The following SLC9C2 variants were observed in gnomAD, a reference collection of about 807,000 sequenced individuals.
The protein encoded by SLC9C2 is solute carrier family 9 member C2 (putative), also known as sodium/hydrogen exchanger 11.
In SLC9C2, 75 loss-of-function variants were observed where a neutral mutation model predicts 140.2. The ratio of observed to expected loss-of-function variants is 0.53; its 90% CI spans 0.44 to 0.65. The LOEUF (loss-of-function observed/expected upper bound fraction) is 0.65, where lower values mean the gene tolerates loss of function less well. SLC9C2 is among the 30% of genes least tolerant of loss of function. The probability of loss-of-function intolerance (pLI) is 0.00; values close to 1 mark genes in which losing one functional copy is unlikely to be tolerated. For synonymous variants in SLC9C2, 375 were observed against 420.9 expected (o/e 0.89, Z 1.34); for missense variants, 1,074 against 1,331.8 (o/e 0.81, Z 3.01).
chr1:173,519,176 G>A (rs1224354510), intron 22 of SLC9C2, among the ~76,000 whole-genome samples: 1 of 152,118 alleles, frequency 6.6e-6, no homozygotes, highest in African/African-American at 2.4e-5. Context: ...ATCAGAGAGA[G>A]ATGTGTGAAG....
chr1:173,597,987 G>T lies in SLC9C2; in HGVS notation c.274C>A (p.Leu92Ile). 1 of 1,598,520 alleles carries T rather than the reference G, an allele frequency of 6.3e-7. No individual in the cohort carries two copies. Among genetic ancestry groups the T allele is most frequent in the Non-Finnish European group, 8.5e-7 (1 of 1,171,762 alleles). ...ATTAAAGGTGAAAAGTAAGAATAAA[G>T]TGAAAAACTTGATGTTCTTAGAAGA... ...YPLLRTSSFS[L>I]YSYFSPLIIF... The change falls in exon 4 of 28, where the codon CTT (leucine) becomes ATT (isoleucine). Residue 92 changes from leucine (L) to isoleucine (I), a missense_variant. Coordinates refer to ENST00000367714, the MANE Select transcript of SLC9C2 (RefSeq NM_178527.4).
At chr1:173,547,812 A>G in intron 12 of SLC9C2, 28 bp from the exon 13 acceptor site, 1 of 1,521,874 alleles carries the variant, frequency 6.6e-7, no homozygotes, top group Non-Finnish European at 9.1e-7. Context: ...ACATTTTAAA[A>G]CATAAAGGGA....
At chr1:173,520,835 A>G (rs1047251898) in intron 22 of SLC9C2, among the ~76,000 whole-genome samples, 1 of 152,224 alleles carries the variant, frequency 6.6e-6, no homozygotes, top group African/African-American at 2.4e-5. Context: ...GGGCTCACGC[A>G]TGAAACCAGC....
In SLC9C2 at chr1:173,573,344, A is replaced by T; in HGVS notation, c.903-19T>A. 1 of 1,430,402 alleles carries T rather than the reference A, an allele frequency of 7.0e-7. No individual in the cohort carries two copies. The highest frequency in any genetic ancestry group is 9.5e-7 in the Non-Finnish European group (1 of 1,047,578). 88.6% of individuals were successfully genotyped at this position (1,430,402 alleles called of 1,614,324 possible). A position where few individuals can be genotyped will look rare whatever the true frequency, so the allele number is the denominator to read the frequency against. On this transcript the variant is annotated intron_variant, in intron 8 of 27. Transcript: ENST00000367714. ...TAAGAACCTAGGATGAATGAAATAG[A>T]AATGACATTTTAAGCAATCATCTTA...
chr1:173,601,604 G>A (rs769174265), intron 2 of SLC9C2, 46 bp downstream of exon 2: 3 of 1,591,318 alleles, frequency 1.9e-6, no homozygotes, highest in Middle Eastern at 1.7e-4. Flanking sequence ...ATTGACAAAA[G>A]GTTCACAGGG....
At chr1:173,534,184 T>C (rs1661784757) in intron 16 of SLC9C2, among the ~76,000 whole-genome samples, 1 of 152,120 alleles carries the variant, frequency 6.6e-6, no homozygotes, top group African/African-American at 2.4e-5. Context: ...ATTTATTTCT[T>C]GCATCATTAC....
chr1:173,559,695 T>C (rs1380515967), intron 9 of SLC9C2, among the ~76,000 whole-genome samples: 1 of 152,234 alleles, frequency 6.6e-6, no homozygotes, highest in East Asian at 1.9e-4. Context: ...TTCAGATTCC[T>C]TCCATGTCAG....
At chr1:173,556,394 G>C (rs552004444) in intron 10 of SLC9C2, among the ~76,000 whole-genome samples, 1 of 152,102 alleles carries the variant, frequency 6.6e-6, no homozygotes, top group Non-Finnish European at 1.5e-5. Flanking sequence ...GTTTTGTTTT[G>C]TGATACAGAT....
At chr1:173,590,682 T>C (rs1391229840) in intron 4 of SLC9C2, among the ~76,000 whole-genome samples, 1 of 152,146 alleles carries the variant, frequency 6.6e-6, no homozygotes, top group African/African-American at 2.4e-5. Flanking sequence ...ACACAAGCAC[T>C]GTGATACTGT....
chr1:173,535,627 T>C (rs1241003909), intron 15 of SLC9C2, among the ~76,000 whole-genome samples: 1 of 152,196 alleles, frequency 6.6e-6, no homozygotes, highest in Non-Finnish European at 1.5e-5. Context: ...ACATCCTTTT[T>C]CCCTTCCTGA....
chr1:173,597,895 T>C lies in SLC9C2; in HGVS notation c.357+9A>G. Reference sequence around the variant, plus strand: ...AATTGATCGTACTTTGTTTTAAATGTGTTCTTACCTGCCAAAACATTTTCT... The same window carrying C: ...AATTGATCGTACTTTGTTTTAAATGCGTTCTTACCTGCCAAAACATTTTCT... On this transcript the variant is annotated intron_variant, in intron 4 of 27. Transcript: ENST00000367714. 3 of 1,571,592 alleles carry C rather than the reference T, an allele frequency of 1.9e-6. No homozygotes were observed. Among genetic ancestry groups the C allele is most frequent in the Non-Finnish European group, 2.6e-6 (3 of 1,161,096 alleles).
chr1:173,509,337 T>C (rs1050876072), intron 24 of SLC9C2, among the ~76,000 whole-genome samples: 7 of 151,428 alleles, frequency 4.6e-5, no homozygotes, highest in Non-Finnish European at 7.4e-5. Flanking sequence ...CCCAGTTACT[T>C]GGGAGGCTGA....
At chr1:173,518,729 A>G (rs1333487482) in intron 22 of SLC9C2, among the ~76,000 whole-genome samples, 1 of 152,226 alleles carries the variant, frequency 6.6e-6, no homozygotes, top group Non-Finnish European at 1.5e-5. Flanking sequence ...ATTCTCTCCC[A>G]GCAATTAGCA....
At chr1:173,598,377 G>A (rs1038553077) in intron 3 of SLC9C2, among the ~76,000 whole-genome samples, 1 of 152,162 alleles carries the variant, frequency 6.6e-6, no homozygotes, top group African/African-American at 2.4e-5. Flanking sequence ...TAATTTGACT[G>A]TTAGATGTTT....
intron 7 of SLC9C2, among the ~76,000 whole-genome samples, chr1:173,581,011 G>C (rs1571609204): frequency 6.6e-6 from 1 of 152,194 alleles, no homozygotes. Flanking sequence ...TGAAGGAAAT[G>C]AGCGTTCAAT....
At chr1:173,556,841 T>C (rs1341533326) in intron 10 of SLC9C2, among the ~76,000 whole-genome samples, 3 of 151,784 alleles carry the variant, frequency 2.0e-5, no homozygotes, top group African/African-American at 4.8e-5. Flanking sequence ...GGCATGAGAA[T>C]TGCTTAAACC....
chr1:173,524,609 T>C (rs1441060966), intron 20 of SLC9C2, among the ~76,000 whole-genome samples, 170 bp downstream of exon 20: 3 of 152,162 alleles, frequency 2.0e-5, no homozygotes, highest in Admixed American at 2.0e-4. Flanking sequence ...ACAAATGGAG[T>C]GTACCGGATT....
intron 9 of SLC9C2, among the ~76,000 whole-genome samples, chr1:173,569,230 C>G (rs1373020536): frequency 6.6e-6 from 1 of 151,966 alleles, no homozygotes; most frequent in Non-Finnish European, 1.5e-5. Flanking sequence ...TGTCTTCAGG[C>G]TCACTAATTC....
intron 23 of SLC9C2, among the ~76,000 whole-genome samples, chr1:173,516,389 T>C (rs1379826921): frequency 6.6e-6 from 1 of 152,216 alleles, no homozygotes; most frequent in Non-Finnish European, 1.5e-5. Context: ...TGAGGGTTTG[T>C]TGTACAGATT....
Sources: allele counts gnomAD v4.1 joint callset (sites outside exome capture counted in the v4.1 genomes callset), GRCh38; gene constraint gnomAD v4.1.1; transcripts MANE v1.5; gene names NCBI Gene and HGNC (gene_info 2026-07-23, HGNC 2026-07-21).